Variants in RFPL1 observed in about 807,000 individuals in gnomAD.
RFPL1 encodes the protein ret finger protein like 1, also known as ret finger protein-like 1.
A neutral mutation model predicts 9.6 loss-of-function variants in RFPL1; 6 were observed. That is an observed-to-expected ratio of 0.62 (90% CI 0.34 to 1.23). The LOEUF (loss-of-function observed/expected upper bound fraction) is 1.23, where lower values mean the gene tolerates loss of function less well. Ranked by LOEUF, RFPL1 falls within the 50% of genes most tolerant of loss-of-function variation. RFPL1 has a pLI of 0.03. For missense variants in RFPL1, 352 were observed against 398.4 expected (o/e 0.88, Z 0.99); for synonymous variants, 145 against 149.4 (o/e 0.97, Z 0.22).
the RFPL1 span, among the ~76,000 whole-genome samples, chr22:29,409,603 T>A: frequency 6.6e-6 from 1 of 152,202 alleles, no homozygotes; most frequent in Non-Finnish European, 1.5e-5. Flanking sequence ...TGAATACCCA[T>A]CTGTCCATCT....
At chr22:29,418,207 T>C in the RFPL1 span, among the ~76,000 whole-genome samples, 6 of 152,070 alleles carry the variant, frequency 3.9e-5, no homozygotes, top group African/African-American at 1.4e-4. Flanking sequence ...GGATTACAGG[T>C]GTGAGCCACC....
At chr22:29,408,889 C>T in the RFPL1 span, among the ~76,000 whole-genome samples, 1 of 152,204 alleles carries the variant, frequency 6.6e-6, no homozygotes, top group African/African-American at 2.4e-5. Context: ...CCACAAGCAT[C>T]CTCTATGCTT....
exon 2 of RFPL1, chr22:29,442,203 G>A: frequency 9.5e-7 from 1 of 1,050,880 alleles, no homozygotes; most frequent in Non-Finnish European, 1.4e-6. Flanking sequence ...CTCGGTAAAA[G>A]CGTTATACAA....
chr22:29,411,961 C>G, the RFPL1 span, among the ~76,000 whole-genome samples: 1 of 152,150 alleles, frequency 6.6e-6, no homozygotes, highest in African/African-American at 2.4e-5. Context: ...AGTGATCCCC[C>G]CACCTCAGTT....
chr22:29,421,174 T>C, the RFPL1 span, among the ~76,000 whole-genome samples: 47 of 152,174 alleles, frequency 3.1e-4, 1 homozygote, highest in South Asian at 5.8e-3. Context: ...CCCAAGATAC[T>C]CACTTTGCTT....
intron 1 of RFPL1, chr22:29,439,432 G>T (rs1007495060): frequency 9.8e-6 from 5 of 509,814 alleles, no homozygotes; most frequent in Non-Finnish European, 1.7e-5. Context: ...AGGAGATCGG[G>T]ACCATCCTGG....
the RFPL1 span, among the ~76,000 whole-genome samples, chr22:29,394,089 A>C: frequency 6.6e-6 from 1 of 152,104 alleles, no homozygotes; most frequent in African/African-American, 2.4e-5. Flanking sequence ...GATTACAGGT[A>C]TGTGCCCCTG....
chr22:29,430,139 T>C, the RFPL1 span, among the ~76,000 whole-genome samples: 4 of 139,830 alleles, frequency 2.9e-5, no homozygotes, highest in Non-Finnish European at 6.7e-5. Context: ...ACAATTATTT[T>C]AATTGGCAAA....
the RFPL1 span, among the ~76,000 whole-genome samples, chr22:29,413,644 A>G: frequency 6.6e-6 from 1 of 152,242 alleles, no homozygotes. Context: ...AATGTTAAAC[A>G]GTTTTAATAA....
the RFPL1 span, among the ~76,000 whole-genome samples, chr22:29,419,956 T>C: frequency 6.6e-6 from 1 of 152,144 alleles, no homozygotes; most frequent in East Asian, 1.9e-4. Context: ...AAAAACCCAG[T>C]GGAAGGCAAA....
At chr22:29,418,711 G>A in the RFPL1 span, among the ~76,000 whole-genome samples, 1 of 151,978 alleles carries the variant, frequency 6.6e-6, no homozygotes, top group Non-Finnish European at 1.5e-5. Flanking sequence ...CATTGGCCAG[G>A]CTGGTGTCGA....
At chr22:29,421,965 C>T in the RFPL1 span, among the ~76,000 whole-genome samples, 1 of 152,142 alleles carries the variant, frequency 6.6e-6, no homozygotes, top group Middle Eastern at 3.2e-3. Context: ...GGGCAGACTT[C>T]GGGTCCTGGA....
intron 1 of RFPL1, 105 bp downstream of exon 1, chr22:29,439,269 CT>C (rs1191328671): frequency 1.4e-6 from 2 of 1,443,578 alleles, no homozygotes; most frequent in Admixed American, 4.4e-5. Context: ...TGTCTGGCAC[CT>C]AAAATTGAGA....
upstream of RFPL1, among the ~76,000 whole-genome samples, chr22:29,434,030 A>C (rs183195274): frequency 2.5e-4 from 38 of 151,760 alleles, no homozygotes; most frequent in African/African-American, 8.2e-4. Context: ...CATACACACA[A>C]ATTTTTTTGA....
the RFPL1 span, among the ~76,000 whole-genome samples, chr22:29,414,611 A>T: frequency 2.0e-5 from 3 of 151,662 alleles, no homozygotes; most frequent in African/African-American, 7.3e-5. Context: ...TTCCTTAATC[A>T]CCTGGGAGGA....
intron 1 of RFPL1, chr22:29,441,283 TGAA>T (rs1398786358): frequency 2.1e-6 from 1 of 486,366 alleles, no homozygotes; most frequent in African/African-American, 1.9e-5. Context: ...CCACTCTAAA[TGAA>T]GAAAAGTCCA....
chr22:29,392,222 GGCGCCCACCACCAAACCCA>G, the RFPL1 span, among the ~76,000 whole-genome samples: 2 of 148,972 alleles, frequency 1.3e-5, no homozygotes, highest in East Asian at 4.0e-4. Flanking sequence ...TGGGATTACA[GGCGCCCACCACCAAACCCA>G]GCTAATTTTT....
At chr22:29,431,763 GC>G in the RFPL1 span, among the ~76,000 whole-genome samples, 18 of 150,570 alleles carry the variant, frequency 1.2e-4, no homozygotes, top group East Asian at 3.5e-3. Flanking sequence ...TCAGCTCTCT[GC>G]AACCTCCATC....
the RFPL1 span, among the ~76,000 whole-genome samples, chr22:29,422,604 A>C: frequency 1.3e-5 from 2 of 152,172 alleles, no homozygotes; most frequent in African/African-American, 4.8e-5. Context: ...TTAGCTGGGC[A>C]TAGTGGCGGG....
Sources: gnomAD v4.1 joint callset for allele counts (sites outside exome capture counted in the v4.1 genomes callset) on GRCh38, gnomAD v4.1.1 for gene constraint, MANE v1.5 for transcripts, NCBI Gene and HGNC (gene_info 2026-07-23, HGNC 2026-07-21) for gene names.